Variants in ITIH2 observed in about 807,000 individuals in gnomAD.
ITIH2 encodes the protein inter-alpha-trypsin inhibitor heavy chain 2, also known as inter-alpha-trypsin inhibitor heavy chain H2.
In ITIH2, 103 loss-of-function variants were observed where a neutral mutation model predicts 104.4. The ratio of observed to expected loss-of-function variants is 0.99; its 90% CI spans 0.84 to 1.16. ITIH2 has a LOEUF of 1.16. Among genes scored for constraint, ITIH2 ranks in the 50% most tolerant of loss-of-function variants. The probability of loss-of-function intolerance (pLI) is 0.00; values close to 1 mark genes in which losing one functional copy is unlikely to be tolerated. For synonymous variants in ITIH2, 436 were observed against 435.4 expected (o/e 1.00, Z -0.02); for missense variants, 1,108 against 1,162.4 (o/e 0.95, Z 0.68).
intron 5 of ITIH2, among the ~76,000 whole-genome samples, chr10:7,715,225 A>G (rs765523399): frequency 1.3e-5 from 2 of 152,122 alleles, no homozygotes; most frequent in Non-Finnish European, 2.9e-5. Context: ...GACCGAGACC[A>G]TCCTGGCCAA....
chr10:7,727,113 G>C lies in ITIH2; in HGVS notation c.1148G>C (p.Ser383Thr), dbSNP rs889474561. ...AGGTATATTGAGAAAATCCAGCCCA[G>C]TGGAGGTGAGTGTGTTGGGCTAAAT... ...AKRYIEKIQP[S>T]GGTNINEALL... Residue 383 changes from serine (S) to threonine (T), a missense_variant, in exon 10 of 21, where the codon AGT becomes ACT. Coordinates refer to ENST00000358415, the MANE Select transcript of ITIH2 (RefSeq NM_002216.3). 1 of 1,612,916 alleles carries C rather than the reference G, an allele frequency of 6.2e-7. No individual in the cohort carries two copies. Among genetic ancestry groups the C allele is most frequent in the African/African-American group, 1.3e-5 (1 of 74,926 alleles).
Position 7,739,285 on chromosome 10 carries a change from T to C in ITIH2, c.2095+527T>C, listed in dbSNP as rs535445488. 2.6e-5 allele frequency among the ~76,000 whole-genome samples: 4 copies of C among 152,346 alleles called. No individual in the cohort carries two copies. The South Asian group carries it at 8.3e-4, about 32-fold the overall frequency. Reference sequence around the variant, plus strand: ...CAGCTGCTGGCAGTTAGCTAGTTCATCTAGAAAACCTGTGTGCAGCTTTTC... The same window carrying C: ...CAGCTGCTGGCAGTTAGCTAGTTCACCTAGAAAACCTGTGTGCAGCTTTTC... On this transcript the variant is annotated intron_variant, in intron 16 of 20. Coordinates refer to ENST00000358415, the MANE Select transcript of ITIH2 (RefSeq NM_002216.3).
At chr10:7,736,074 A>T (rs1835053050) in intron 15 of ITIH2, among the ~76,000 whole-genome samples, 1 of 152,176 alleles carries the variant, frequency 6.6e-6, no homozygotes, top group South Asian at 2.1e-4. Context: ...TATTACAATT[A>T]CTAGAACCTG....
At chr10:7,738,828 T>A in intron 16 of ITIH2, 70 bp downstream of exon 16, 4 of 1,469,268 alleles carry the variant, frequency 2.7e-6, no homozygotes, top group Non-Finnish European at 3.6e-6. Context: ...ATTGTGTGCA[T>A]GAGGCCAGGT....
chr10:7,725,750 A>T (rs894521767), intron 9 of ITIH2, among the ~76,000 whole-genome samples: 2 of 152,208 alleles, frequency 1.3e-5, no homozygotes, highest in African/African-American at 4.8e-5. Flanking sequence ...GGTGTTCAAA[A>T]GTGAGATGTG....
Position 7,735,037 on chromosome 10 carries a change from G to A in ITIH2, c.1903G>A (p.Gly635Arg), listed in dbSNP as rs771343959. ...CTCGCTGGTGATCGAGAACGAGGCT[G>A]GGGATGAGCGCATGCTGGCGGATGC... ...LTSLVIENEAGDERMLADAPP... is the reference protein window; with the variant it reads ...LTSLVIENEARDERMLADAPP... Residue 635 changes from glycine (G) to arginine (R), a missense_variant, in exon 15 of 21, where the codon GGG becomes AGG. Coordinates refer to ENST00000358415, the MANE Select transcript of ITIH2 (RefSeq NM_002216.3). 6.2e-7 allele frequency: 1 copy of A among 1,613,196 alleles called. No individual in the cohort carries two copies. The highest frequency in any genetic ancestry group is 1.1e-5 in the South Asian group (1 of 91,090).
chr10:7,722,895 G>C (rs1385500569), intron 8 of ITIH2, among the ~76,000 whole-genome samples: 1 of 152,234 alleles, frequency 6.6e-6, no homozygotes, highest in Non-Finnish European at 1.5e-5. Flanking sequence ...TGCTCTGCCT[G>C]ATTCACCGCT....
intron 12 of ITIH2, among the ~76,000 whole-genome samples, chr10:7,730,647 C>T (rs1337708573): frequency 6.6e-6 from 1 of 152,116 alleles, no homozygotes; most frequent in Admixed American, 6.5e-5. Flanking sequence ...TAGTGAGATC[C>T]ATCTGTTCAA....
rs1313932191 is a variant in ITIH2 at position 7,737,840 on chromosome 10, T to TATA, written c.1958-780_1958-778dup. On this transcript the variant is annotated intron_variant, in intron 15 of 20. Coordinates refer to ENST00000358415, the MANE Select transcript of ITIH2 (RefSeq NM_002216.3). ...ATATAATATTCTATATTATATTCTATATATTATATATTATATTCTATATAT... is the reference window on the plus strand; with the variant it reads ...ATATAATATTCTATATTATATTCTATATAATATTATATATTATATTCTATATAT... Among the ~76,000 whole-genome samples the TATA allele has an allele frequency of 1.6e-3, 8 of 4,988 alleles. 2 individuals carry two copies. Among genetic ancestry groups the TATA allele is most frequent in the Non-Finnish European group, 3.7e-3 (8 of 2,188 alleles). 3.3% of individuals were successfully genotyped at this position (4,988 alleles called of 152,430 possible).
At chr10:7,738,280 A>T (rs1405027915) in intron 15 of ITIH2, among the ~76,000 whole-genome samples, 1 of 123,706 alleles carries the variant, frequency 8.1e-6, no homozygotes. Context: ...ATAATATTAT[A>T]TATTATATTC....
intron 20 of ITIH2, 137 bp from the exon 21 acceptor site, chr10:7,749,048 CAT>C (rs1195900980): frequency 2.0e-5 from 16 of 781,970 alleles, no homozygotes; most frequent in South Asian, 3.9e-5. Flanking sequence ...TTCTTTTTCA[CAT>C]GACTTGGGGA....
intron 14 of ITIH2, 109 bp from the exon 15 acceptor site, chr10:7,734,813 C>A: frequency 1.1e-6 from 1 of 893,274 alleles, no homozygotes; most frequent in Non-Finnish European, 1.7e-6. Context: ...GGCTCCGCCC[C>A]ACCCCCAGGT....
chr10:7,739,958 G>A (rs1835108291), intron 16 of ITIH2, among the ~76,000 whole-genome samples: 2 of 152,134 alleles, frequency 1.3e-5, no homozygotes, highest in African/African-American at 4.8e-5. Context: ...GGCCGAGGAG[G>A]GCAGATCACT....
chr10:7,725,111 G>C (rs766273092), intron 9 of ITIH2, among the ~76,000 whole-genome samples: 6 of 152,124 alleles, frequency 3.9e-5, no homozygotes, highest in Admixed American at 1.3e-4. Context: ...AGGGGACAGA[G>C]AATAAACAAT....
chr10:7,744,044 G>C (rs1374713649), intron 17 of ITIH2, 38 bp from the exon 18 acceptor site: 1 of 1,523,690 alleles, frequency 6.6e-7, no homozygotes, highest in East Asian at 2.3e-5. Flanking sequence ...AAAATAAATG[G>C]CACAGAAGAG....
intron 15 of ITIH2, among the ~76,000 whole-genome samples, chr10:7,737,561 A>G (rs574502417): frequency 1.8e-5 from 2 of 113,520 alleles, no homozygotes; most frequent in Admixed American, 1.0e-4. Context: ...TATTCTATAT[A>G]ATATTATATA....
At chr10:7,738,573 G>T in intron 15 of ITIH2, 48 bp from the exon 16 acceptor site, 5 of 1,608,482 alleles carry the variant, frequency 3.1e-6, no homozygotes, top group Non-Finnish European at 4.3e-6. Context: ...AGCAATTTCC[G>T]TGGAAACGTA....
At position 7,717,720 on chromosome 10, in the gene ITIH2, T is replaced by C. The variant is rs1655939434; in HGVS notation, c.562T>C (p.Trp188Arg). ...QFELHYQEVKWRKLGSYEHRI... is the reference protein window; with the variant it reads ...QFELHYQEVKRRKLGSYEHRI... The stretch of plus-strand genomic sequence containing the variant: ...CGAACTTCACTACCAGGAGGTGAAG[T>C]GGAGGAAGCTGGGCTCCTATGAGCA... The change falls in exon 6 of 21, where the codon TGG becomes CGG. Residue 188 changes from tryptophan to arginine, a missense_variant. Transcript: ENST00000358415. 3 of 1,613,302 alleles carry C rather than the reference T, an allele frequency of 1.9e-6. No individual in the cohort carries two copies. In the African/African-American group the frequency reaches 4.0e-5, roughly 22 times the overall value.
intron 2 of ITIH2, among the ~76,000 whole-genome samples, chr10:7,705,760 C>T (rs1470080581): frequency 7.3e-5 from 11 of 151,438 alleles, no homozygotes; most frequent in Non-Finnish European, 1.0e-4. Flanking sequence ...CTTAAGATTC[C>T]GAAATTATTT....
Sources: gnomAD v4.1 joint callset for allele counts (sites outside exome capture counted in the v4.1 genomes callset) on GRCh38, gnomAD v4.1.1 for gene constraint, MANE v1.5 for transcripts, NCBI Gene and HGNC (gene_info 2026-07-23, HGNC 2026-07-21) for gene names.